The following KIFC3 variants were observed in gnomAD, a reference collection of about 807,000 sequenced individuals.
The protein encoded by KIFC3 is kinesin-like protein KIFC3.
A neutral mutation model predicts 101.8 loss-of-function variants in KIFC3; 60 were observed. The ratio of observed to expected loss-of-function variants is 0.59; its 90% confidence interval spans 0.48 to 0.73. The LOEUF is 0.73. KIFC3 is among the 30% of genes least tolerant of loss of function. The pLI, the probability that KIFC3 is intolerant of heterozygous loss-of-function variation, is 0.00. For missense variants in KIFC3, 966 were observed against 1,137.1 expected (o/e 0.85, Z 2.16); for synonymous variants, 476 against 482.7 (o/e 0.99, Z 0.18).
chr16:57,834,101 A>G lies in KIFC3; in HGVS notation c.108+28628T>C, dbSNP rs1482794485. On this transcript the variant is annotated intron_variant, in intron 1 of 2. Coordinates refer to the KIFC3 transcript ENST00000563028. ...ATGGTCTCTACCTCCTGACCTCATG[A>G]TCTGCCCGCTCGGCCTCCCAAAGTG... Among the ~76,000 whole-genome samples, 4 of 151,946 alleles carry G rather than the reference A, an allele frequency of 2.6e-5. No individual in the cohort carries two copies. In the East Asian group the frequency reaches 7.8e-4, roughly 29 times the overall value.
At chr16:57,844,517 T>C (rs1376206595) in intron 1 of KIFC3, among the ~76,000 whole-genome samples, 1 of 151,300 alleles carries the variant, frequency 6.6e-6, no homozygotes, top group Non-Finnish European at 1.5e-5. Flanking sequence ...TAGCCTCGTG[T>C]CTCTGAGATC....
chr16:57,813,284 C>T (rs1259612871), intron 1 of KIFC3, among the ~76,000 whole-genome samples: 2 of 151,838 alleles, frequency 1.3e-5, no homozygotes, highest in African/African-American at 2.4e-5. Flanking sequence ...GCCGAGATTG[C>T]GCCACTGCAC....
At chr16:57,833,202 T>C (rs545285140) in intron 1 of KIFC3, among the ~76,000 whole-genome samples, 8 of 143,362 alleles carry the variant, frequency 5.6e-5, no homozygotes, top group African/African-American at 2.2e-4. Flanking sequence ...CAACACTCTG[T>C]CTCAAATATA....
intron 9 of KIFC3, among the ~76,000 whole-genome samples, chr16:57,768,849 GAATT>G (rs2050808799): frequency 6.6e-6 from 1 of 152,142 alleles, no homozygotes; most frequent in Non-Finnish European, 1.5e-5. Context: ...CAGCTTGAAA[GAATT>G]AAGTTAAACC....
At chr16:57,815,419 T>C (rs2055197848) in intron 1 of KIFC3, 3 of 1,180,360 alleles carry the variant, frequency 2.5e-6, no homozygotes, top group Non-Finnish European at 3.2e-6. Context: ...CCACGTGTTT[T>C]CTAGGATCCC....
At chr16:57,791,837 C>G (rs563708155) in intron 3 of KIFC3, among the ~76,000 whole-genome samples, 1 of 152,344 alleles carries the variant, frequency 6.6e-6, no homozygotes, top group East Asian at 1.9e-4. Context: ...TTTAACTGTT[C>G]TCTCACCAGA....
At chr16:57,861,507 T>G (rs1324658694) in intron 1 of KIFC3, among the ~76,000 whole-genome samples, 1 of 152,168 alleles carries the variant, frequency 6.6e-6, no homozygotes, top group East Asian at 1.9e-4. Flanking sequence ...ACAAAGCTGA[T>G]CAGGGCACAT....
At chr16:57,820,354 A>C (rs2055322884) in intron 1 of KIFC3, among the ~76,000 whole-genome samples, 1 of 152,224 alleles carries the variant, frequency 6.6e-6, no homozygotes, top group African/African-American at 2.4e-5. Context: ...AGCTCACTGC[A>C]GCCTCGAATC....
intron 1 of KIFC3, among the ~76,000 whole-genome samples, chr16:57,842,516 A>G (rs1248496038): frequency 6.6e-6 from 1 of 152,230 alleles, no homozygotes; most frequent in African/African-American, 2.4e-5. Flanking sequence ...TTTATCAACA[A>G]TGAGAACAAC....
chr16:57,761,006 T>C, intron 15 of KIFC3, 36 bp downstream of exon 15: 9 of 1,602,702 alleles, frequency 5.6e-6, no homozygotes, highest in African/African-American at 1.3e-5. Context: ...CTTGGGGTTG[T>C]GGGGATCCTC....
chr16:57,836,878 G>A (rs1051408707), intron 1 of KIFC3, among the ~76,000 whole-genome samples: 1 of 152,042 alleles, frequency 6.6e-6, no homozygotes, highest in Admixed American at 6.6e-5. Context: ...TTTTTTTGTA[G>A]AGATAGGGTC....
chr16:57,794,100 G>A (rs2054104722), intron 3 of KIFC3, among the ~76,000 whole-genome samples: 1 of 152,194 alleles, frequency 6.6e-6, no homozygotes, highest in South Asian at 2.1e-4. Context: ...TGAGTATGAT[G>A]AGGACTAACA....
At chr16:57,801,237 G>T (rs1023087985) in intron 1 of KIFC3, among the ~76,000 whole-genome samples, 1 of 152,300 alleles carries the variant, frequency 6.6e-6, no homozygotes, top group Non-Finnish European at 1.5e-5. Flanking sequence ...TGCAAAGACT[G>T]GGGGGACAGG....
intron 14 of KIFC3, 85 bp downstream of exon 14, chr16:57,761,328 C>A: frequency 6.3e-7 from 1 of 1,590,592 alleles, no homozygotes; most frequent in Non-Finnish European, 8.6e-7. Context: ...AGGGTGCGTG[C>A]TTAGGACACA....
intron 13 of KIFC3, 77 bp downstream of exon 13, chr16:57,762,063 G>A: frequency 6.7e-7 from 1 of 1,482,722 alleles, no homozygotes; most frequent in Non-Finnish European, 9.0e-7. Context: ...TCCCACCTGA[G>A]GACCTCGTTC....
At chr16:57,831,468 C>T (rs1340978809) in intron 1 of KIFC3, among the ~76,000 whole-genome samples, 1 of 152,180 alleles carries the variant, frequency 6.6e-6, no homozygotes, top group East Asian at 1.9e-4. Flanking sequence ...TCACTTGAGG[C>T]TAGGAGTTTG....
At position 57,769,552 on chromosome 16, in the gene KIFC3, C is replaced by T; in HGVS notation, c.1218+43G>A. On this transcript the variant is annotated intron_variant, in intron 9 of 19. Coordinates refer to ENST00000445690, the MANE Select transcript of KIFC3 (RefSeq NM_001130100.2). This position sits in a 1 kb window ranked among gnomAD's most constrained non-coding sequence, Gnocchi z 4.3. ...AGTGGATGTCGTGCCTCTCCCAGTG[C>T]ACCCCCTTAGCCTGGACCCTCCCAC... 2 of 1,573,992 alleles carry T rather than the reference C, an allele frequency of 1.3e-6. No individual in the cohort carries two copies. Among genetic ancestry groups the T allele is most frequent in the African/African-American group, 1.3e-5 (1 of 74,354 alleles).
chr16:57,810,039 G>A (rs1234235420), intron 1 of KIFC3, among the ~76,000 whole-genome samples: 2 of 152,098 alleles, frequency 1.3e-5, no homozygotes, highest in Non-Finnish European at 2.9e-5. Flanking sequence ...ATCTTCTGAG[G>A]TCAGTCCTGG....
chr16:57,813,838 C>T (rs2055152580), intron 1 of KIFC3: 4 of 985,456 alleles, frequency 4.1e-6, no homozygotes, highest in Non-Finnish European at 4.8e-6. Context: ...GACAGAACCC[C>T]ATGCTCTCCT....
Sources: allele counts gnomAD v4.1 joint callset (sites outside exome capture counted in the v4.1 genomes callset), GRCh38; gene constraint gnomAD v4.1.1; non-coding constraint Gnocchi (gnomAD v3.1); transcripts MANE v1.5; gene names NCBI Gene and HGNC (gene_info 2026-07-23, HGNC 2026-07-21).